The following PEPD variants were observed in gnomAD, a reference collection of about 807,000 sequenced individuals.
PEPD encodes peptidase D, also known as xaa-Pro dipeptidase.
A neutral mutation model predicts 60.7 loss-of-function variants in PEPD; 53 were observed. The observed-to-expected ratio is 0.87, with a 90% confidence interval of 0.70 to 1.10. PEPD has a LOEUF of 1.10. PEPD is among the 50% of genes least tolerant of loss of function. The probability of loss-of-function intolerance (pLI) is 0.00; values close to 1 mark genes in which losing one functional copy is unlikely to be tolerated. For missense variants in PEPD, 711 were observed against 711.9 expected (o/e 1.00, Z 0.01); for synonymous variants, 267 against 284.1 (o/e 0.94, Z 0.60).
intron 6 of PEPD, among the ~76,000 whole-genome samples, chr19:33,482,041 A>G (rs927578278): frequency 1.3e-5 from 2 of 152,002 alleles, no homozygotes; most frequent in Non-Finnish European, 2.9e-5. Flanking sequence ...AAACAACAAC[A>G]ACAACAACAA....
At chr19:33,467,419 T>C (rs1002563486) in intron 7 of PEPD, among the ~76,000 whole-genome samples, 2 of 151,556 alleles carry the variant, frequency 1.3e-5, no homozygotes, top group Non-Finnish European at 2.9e-5. Flanking sequence ...ATAAATGCAA[T>C]GGAAATATTA....
intron 6 of PEPD, among the ~76,000 whole-genome samples, chr19:33,488,287 G>A (rs946040801): frequency 8.5e-5 from 13 of 152,158 alleles, no homozygotes; most frequent in Non-Finnish European, 1.9e-4. Context: ...CTCTGTGCCA[G>A]GCTCCAGGTG....
intron 6 of PEPD, among the ~76,000 whole-genome samples, chr19:33,480,265 C>T (rs1264487466): frequency 1.3e-5 from 2 of 152,040 alleles, no homozygotes; most frequent in South Asian, 2.1e-4. Context: ...TAACATCAGA[C>T]AAAATAAGCC....
At chr19:33,436,717 C>T (rs950443334) in intron 9 of PEPD, among the ~76,000 whole-genome samples, 2 of 152,252 alleles carry the variant, frequency 1.3e-5, no homozygotes, top group Non-Finnish European at 2.9e-5. Flanking sequence ...TGAGCCAGCG[C>T]TCTGGGGTCA....
At chr19:33,503,059 G>A (rs1355811973) in intron 3 of PEPD, among the ~76,000 whole-genome samples, 1 of 152,068 alleles carries the variant, frequency 6.6e-6, no homozygotes, top group Non-Finnish European at 1.5e-5. Flanking sequence ...TCACGAGTGA[G>A]CTCCTGAACT....
Position 33,387,176 on chromosome 19 carries a change from A to T in PEPD, c.*168T>A. On this transcript the variant is annotated 3_prime_UTR_variant, in exon 15 of 15. Coordinates refer to ENST00000244137, the MANE Select transcript of PEPD (RefSeq NM_000285.4). The stretch of plus-strand genomic sequence containing the variant: ...GAGCCTGCAAAAGGGTAATTAAAAA[A>T]GTGTTTCCTCCCCGGGAAACAGCAC... The T allele has an allele frequency of 1.4e-6, 1 of 724,058 alleles. No homozygotes were observed. The highest frequency in any genetic ancestry group is 2.3e-6 in the Non-Finnish European group (1 of 436,266). The allele number at this position is 724,058 out of a possible 1,614,324, so 44.9% of individuals were successfully genotyped here. A position where few individuals can be genotyped will look rare whatever the true frequency, so the allele number is the denominator to read the frequency against.
intron 12 of PEPD, among the ~76,000 whole-genome samples, chr19:33,399,511 T>C (rs1354117568): frequency 6.6e-6 from 1 of 151,872 alleles, no homozygotes; most frequent in Admixed American, 6.6e-5. Flanking sequence ...GGCCTGGCAC[T>C]GCCCCCAGCG....
chr19:33,464,429 G>A (rs527439748), intron 7 of PEPD, among the ~76,000 whole-genome samples: 1 of 152,320 alleles, frequency 6.6e-6, no homozygotes, highest in South Asian at 2.1e-4. Context: ...AATCTACATG[G>A]CATGGCTACT....
chr19:33,461,770 C>T (rs141228751), intron 9 of PEPD, among the ~76,000 whole-genome samples: 3 of 152,270 alleles, frequency 2.0e-5, no homozygotes, highest in South Asian at 2.1e-4. Context: ...CCACAGACAC[C>T]GCACTGCAGA....
At chr19:33,389,247 A>G (rs1600072020) in intron 13 of PEPD, 1 of 152,318 alleles carries the variant, frequency 6.6e-6, no homozygotes, top group East Asian at 1.9e-4. Flanking sequence ...GGCGATGAGG[A>G]GACACCACAG....
chr19:33,390,211 GA>G (rs1380412288), intron 13 of PEPD, among the ~76,000 whole-genome samples: 2 of 152,220 alleles, frequency 1.3e-5, no homozygotes, highest in Admixed American at 6.5e-5. Context: ...TGGAAAAGAT[GA>G]AAACAGTTTG....
intron 4 of PEPD, among the ~76,000 whole-genome samples, chr19:33,496,326 CTCCT>C (rs1970602584): frequency 1.3e-5 from 2 of 152,172 alleles, no homozygotes; most frequent in Admixed American, 6.5e-5. Flanking sequence ...GAGCAGCCGT[CTCCT>C]TGCAGCCCGG....
At chr19:33,437,336 CTT>C (rs1837609700) in intron 9 of PEPD, among the ~76,000 whole-genome samples, 1 of 152,042 alleles carries the variant, frequency 6.6e-6, no homozygotes, top group African/African-American at 2.4e-5. Flanking sequence ...AGTTCAACTA[CTT>C]TTATTTGTCC....
At chr19:33,517,744 G>C (rs755091414) in intron 1 of PEPD, among the ~76,000 whole-genome samples, 4 of 151,484 alleles carry the variant, frequency 2.6e-5, no homozygotes, top group Non-Finnish European at 4.4e-5. Context: ...AAGTGGGTGG[G>C]TCACGAGGTC....
At chr19:33,426,396 C>T (rs745640632) in intron 9 of PEPD, among the ~76,000 whole-genome samples, 7 of 152,262 alleles carry the variant, frequency 4.6e-5, no homozygotes, top group South Asian at 4.1e-4. Context: ...ACAAATGTGT[C>T]GTTTCAGATC....
intron 5 of PEPD, among the ~76,000 whole-genome samples, chr19:33,491,702 T>C (rs985651355): frequency 2.6e-5 from 4 of 152,128 alleles, no homozygotes; most frequent in Non-Finnish European, 5.9e-5. Flanking sequence ...CTTAGAACTT[T>C]TTAAAAGAGG....
At chr19:33,405,120 G>C (rs1414704883) in intron 11 of PEPD, among the ~76,000 whole-genome samples, 1 of 152,182 alleles carries the variant, frequency 6.6e-6, no homozygotes, top group Admixed American at 6.5e-5. Context: ...CAACGTGCTG[G>C]CGTCTCACTC....
chr19:33,516,161 G>C (rs150289012), intron 1 of PEPD, among the ~76,000 whole-genome samples: 1 of 152,156 alleles, frequency 6.6e-6, no homozygotes, highest in East Asian at 1.9e-4. Context: ...GTTTTATAGA[G>C]ACATGCCCTT....
intron 9 of PEPD, among the ~76,000 whole-genome samples, chr19:33,449,283 C>T (rs1002349154): frequency 6.6e-6 from 1 of 152,250 alleles, no homozygotes; most frequent in African/African-American, 2.4e-5. Flanking sequence ...TAAACCGTTC[C>T]TCCCCCTTTC....
Sources: allele counts gnomAD v4.1 joint callset (sites outside exome capture counted in the v4.1 genomes callset), GRCh38; gene constraint gnomAD v4.1.1; transcripts MANE v1.5; gene names NCBI Gene and HGNC (gene_info 2026-07-23, HGNC 2026-07-21).